Variants in SIAH3 observed in about 807,000 individuals in gnomAD.
SIAH3 encodes seven in absentia homolog 3.
A neutral mutation model predicts 12.6 loss-of-function variants in SIAH3; 9 were observed. That is an observed-to-expected ratio of 0.72 (90% CI 0.43 to 1.25). SIAH3 has a LOEUF of 1.25. Ranked by LOEUF, SIAH3 falls within the 50% of genes most tolerant of loss-of-function variation. The probability of loss-of-function intolerance (pLI) is 0.00; values close to 1 mark genes in which losing one functional copy is unlikely to be tolerated. For synonymous variants in SIAH3, 154 were observed against 151.1 expected (o/e 1.02, Z -0.14); for missense variants, 390 against 365.4 (o/e 1.07, Z -0.55).
chr13:45,784,573 C>T lies in SIAH3; in HGVS notation c.136-516G>A, dbSNP rs1009547633. ...GTCAGGGATTGTCCTGTCTTGGGCGCCCTTCTCCTGCGTCCTAAGGCATCT... is the reference window on the plus strand; with the variant it reads ...GTCAGGGATTGTCCTGTCTTGGGCGTCCTTCTCCTGCGTCCTAAGGCATCT... On this transcript the variant is annotated intron_variant, in intron 1 of 1. Transcript: ENST00000400405. Among the ~76,000 whole-genome samples the T allele has an allele frequency of 3.9e-5, 6 of 152,136 alleles. No homozygotes were observed. The East Asian group carries it at 1.2e-3, about 29-fold the overall frequency.
At chr13:45,832,400 A>G (rs577109273) in intron 1 of SIAH3, among the ~76,000 whole-genome samples, 59 of 152,302 alleles carry the variant, frequency 3.9e-4, no homozygotes, top group African/African-American at 1.3e-3. Flanking sequence ...TTCTGTCTCT[A>G]TGGACTTGCC....
chr13:45,816,633 C>G (rs966444914), intron 1 of SIAH3, among the ~76,000 whole-genome samples: 1 of 152,222 alleles, frequency 6.6e-6, no homozygotes, highest in Non-Finnish European at 1.5e-5. Context: ...GCACTGTGCA[C>G]CTTGGCCGCC....
intron 1 of SIAH3, among the ~76,000 whole-genome samples, chr13:45,797,394 C>T (rs1425536173): frequency 6.6e-6 from 1 of 152,132 alleles, no homozygotes; most frequent in African/African-American, 2.4e-5. Flanking sequence ...GGACTTTCTT[C>T]CTCTCTGTCT....
At chr13:45,818,818 G>A (rs906876378) in intron 1 of SIAH3, among the ~76,000 whole-genome samples, 1 of 152,188 alleles carries the variant, frequency 6.6e-6, no homozygotes, top group Non-Finnish European at 1.5e-5. Flanking sequence ...GCCACACAAG[G>A]TCACATTCAC....
At chr13:45,819,513 A>G (rs1432010055) in intron 1 of SIAH3, among the ~76,000 whole-genome samples, 1 of 152,164 alleles carries the variant, frequency 6.6e-6, no homozygotes, top group Admixed American at 6.5e-5. Flanking sequence ...CAAATTAGGG[A>G]AAAAAACAGC....
chr13:45,847,881 C>T lies in SIAH3; in HGVS notation c.135+3614G>A, dbSNP rs1167473013. 3.3e-5 allele frequency among the ~76,000 whole-genome samples: 5 copies of T among 152,122 alleles called. No individual in the cohort carries two copies. The South Asian group carries it at 1.0e-3, about 31-fold the overall frequency. On this transcript the variant is annotated intron_variant, in intron 1 of 1. Coordinates refer to ENST00000400405, the MANE Select transcript of SIAH3 (RefSeq NM_198849.3). Reference sequence around the variant, plus strand: ...GTGCTGATGACTGACCCCAGACCGACCCCTAGCACTACAGAGCCTTCTCTG... The same window carrying T: ...GTGCTGATGACTGACCCCAGACCGATCCCTAGCACTACAGAGCCTTCTCTG...
At chr13:45,827,895 T>C (rs1316508490) in intron 1 of SIAH3, among the ~76,000 whole-genome samples, 2 of 152,242 alleles carry the variant, frequency 1.3e-5, no homozygotes, top group Non-Finnish European at 1.5e-5. Context: ...CACTCAAGGC[T>C]GGCTTCATGG....
At chr13:45,839,304 C>T (rs1313418246) in intron 1 of SIAH3, among the ~76,000 whole-genome samples, 1 of 151,790 alleles carries the variant, frequency 6.6e-6, no homozygotes, top group Non-Finnish European at 1.5e-5. Flanking sequence ...AGAGCATTTG[C>T]ATTTCCAATG....
At chr13:45,821,123 G>C (rs1361006462) in intron 1 of SIAH3, among the ~76,000 whole-genome samples, 1 of 152,216 alleles carries the variant, frequency 6.6e-6, no homozygotes, top group Non-Finnish European at 1.5e-5. Flanking sequence ...ATTGAATTAA[G>C]GTGAGGTCAT....
At chr13:45,795,620 A>G (rs927574939) in intron 1 of SIAH3, among the ~76,000 whole-genome samples, 1 of 152,130 alleles carries the variant, frequency 6.6e-6, no homozygotes, top group Admixed American at 6.5e-5. Context: ...GCACCCCTTC[A>G]TCTCTGACCC....
At chr13:45,821,744 A>C (rs1877540412) in intron 1 of SIAH3, among the ~76,000 whole-genome samples, 1 of 152,230 alleles carries the variant, frequency 6.6e-6, no homozygotes, top group Non-Finnish European at 1.5e-5. Flanking sequence ...AGCTGCGCTC[A>C]ATTCTTGGGT....
rs1409199691 is a variant in SIAH3 at position 45,777,362 on chromosome 13, A to G, written c.*6021T>C. 1 of 152,228 alleles carries G rather than the reference A, an allele frequency of 6.6e-6. No homozygotes were observed. The highest frequency in any genetic ancestry group is 2.4e-5 in the African/African-American group (1 of 41,458). 9.4% of individuals were successfully genotyped at this position (152,228 alleles called of 1,614,324 possible). A position where few individuals can be genotyped will look rare whatever the true frequency, so the allele number is the denominator to read the frequency against. ...ACATTATAAGAAAGCATAGAAAATT[A>G]TATATACATTAATTCAGGGCAAGTA... On this transcript the variant is annotated 3_prime_UTR_variant, in exon 2 of 2. Coordinates refer to ENST00000400405, the MANE Select transcript of SIAH3 (RefSeq NM_198849.3).
chr13:45,815,924 T>TTATAA (rs1174888611), intron 1 of SIAH3, among the ~76,000 whole-genome samples: 2 of 152,190 alleles, frequency 1.3e-5, no homozygotes, highest in African/African-American at 4.8e-5. Context: ...GCAAATTGTA[T>TTATAA]TATAATGTAT....
At chr13:45,837,142 T>C in intron 1 of SIAH3, among the ~76,000 whole-genome samples, 1 of 152,108 alleles carries the variant, frequency 6.6e-6, no homozygotes, top group East Asian at 1.9e-4. Context: ...AGCTCTCCCT[T>C]TTCTACTCCC....
intron 1 of SIAH3, among the ~76,000 whole-genome samples, chr13:45,792,122 C>T (rs1950547435): frequency 2.6e-5 from 4 of 152,166 alleles, no homozygotes; most frequent in Admixed American, 2.6e-4. Flanking sequence ...CAGCTTCCTG[C>T]AGCCCGTGCT....
rs1950495989 is a variant in SIAH3, at chr13:45,779,516, T to C, written c.*3867A>G. ...TCTGAGCCTTGGGTCCATATGTTCA[T>C]AGAAATGACATGGTTGCTGTTGGTC... On this transcript the variant is annotated 3_prime_UTR_variant, in exon 2 of 2. Coordinates refer to ENST00000400405, the MANE Select transcript of SIAH3 (RefSeq NM_198849.3). The C allele has an allele frequency of 6.6e-6, 1 of 152,178 alleles. No individual in the cohort carries two copies. Among genetic ancestry groups the C allele is most frequent in the Admixed American group, 6.5e-5 (1 of 15,280 alleles). 9.4% of individuals were successfully genotyped at this position (152,178 alleles called of 1,614,324 possible).
rs746335185 is a variant in SIAH3, at chr13:45,783,939, G to A, written c.254C>T (p.Ala85Val). 1.1e-5 allele frequency: 17 copies of A among 1,607,448 alleles called. No individual in the cohort carries two copies. The highest frequency in any genetic ancestry group is 1.7e-4 in the Middle Eastern group (1 of 6,004). The change falls in exon 2 of 2, where the codon GCC becomes GTC. Residue 85 changes from alanine to valine, a missense_variant. Ala to Val is a moderately conservative substitution (Grantham distance 64). Coordinates refer to ENST00000400405, the MANE Select transcript of SIAH3 (RefSeq NM_198849.3). Reference protein sequence around the residue: ...HRHHHHLRHHAHPHHLHHQEA... With the variant: ...HRHHHHLRHHVHPHHLHHQEA... ...CTGGTGGTGAAGGTGGTGGGGGTGG[G>A]CGTGGTGGCGGAGGTGGTGGTGGTG...
chr13:45,792,598 T>A (rs913444178), intron 1 of SIAH3, among the ~76,000 whole-genome samples: 2 of 152,070 alleles, frequency 1.3e-5, no homozygotes, highest in African/African-American at 4.8e-5. Flanking sequence ...CCTCAAGTGA[T>A]CTGCCAGCCT....
At chr13:45,839,693 G>A (rs1255059759) in intron 1 of SIAH3, among the ~76,000 whole-genome samples, 3 of 152,092 alleles carry the variant, frequency 2.0e-5, no homozygotes, top group Non-Finnish European at 4.4e-5. Context: ...TTAGCCGGGC[G>A]TGGTGGTACC....
Sources: gnomAD v4.1 joint callset for allele counts (sites outside exome capture counted in the v4.1 genomes callset) on GRCh38, gnomAD v4.1.1 for gene constraint, MANE v1.5 for transcripts, NCBI Gene and HGNC (gene_info 2026-07-23, HGNC 2026-07-21) for gene names.